Variants in SLC24A2 observed in about 807,000 individuals in gnomAD.
The protein encoded by SLC24A2 is sodium/potassium/calcium exchanger 2.
SLC24A2 carries 36 observed loss-of-function variants against 62.0 expected under a neutral mutation model. The ratio of observed to expected loss-of-function variants is 0.58; its 90% CI spans 0.44 to 0.77. The LOEUF (loss-of-function observed/expected upper bound fraction) is 0.77. SLC24A2 is among the 30% of genes least tolerant of loss of function. SLC24A2 has a pLI of 0.00. For synonymous variants in SLC24A2, 358 were observed against 294.0 expected, an observed-to-expected ratio of 1.22 and a Z score of -2.23; for missense variants, 846 against 817.9, an observed-to-expected ratio of 1.03 and a Z score of -0.42.
intron 7 of SLC24A2, among the ~76,000 whole-genome samples, chr9:19,565,981 C>T (rs1290524164): frequency 1.3e-5 from 2 of 151,860 alleles, no homozygotes; most frequent in African/African-American, 2.4e-5. Context: ...GGATTAAAGA[C>T]TTAAATGTTA....
the SLC24A2 span, among the ~76,000 whole-genome samples, chr9:20,026,749 C>G: frequency 6.6e-6 from 1 of 152,042 alleles, no homozygotes; most frequent in African/African-American, 2.4e-5. Flanking sequence ...GGAAAAGCTC[C>G]GTGACATTGG....
At chr9:19,734,234 C>T (rs569452063) in intron 2 of SLC24A2, among the ~76,000 whole-genome samples, 1 of 152,036 alleles carries the variant, frequency 6.6e-6, no homozygotes, top group African/African-American at 2.4e-5. Context: ...TGTTCTGTTC[C>T]ATTGGTCTAT....
the SLC24A2 span, among the ~76,000 whole-genome samples, chr9:19,800,170 T>C: frequency 6.6e-6 from 1 of 152,168 alleles, no homozygotes; most frequent in African/African-American, 2.4e-5. Context: ...TAGATCATGT[T>C]CTGAGGTTTC....
intron 5 of SLC24A2, among the ~76,000 whole-genome samples, chr9:19,590,038 G>C (rs1000327693): frequency 6.6e-6 from 1 of 152,150 alleles, no homozygotes; most frequent in African/African-American, 2.4e-5. Context: ...ATTTAGGAAG[G>C]CTGATGTGCT....
the SLC24A2 span, among the ~76,000 whole-genome samples, chr9:19,820,165 T>C: frequency 1.3e-5 from 2 of 149,304 alleles, no homozygotes; most frequent in African/African-American, 2.5e-5. Context: ...ACTATTATTC[T>C]AAGTGAAGTA....
chr9:19,850,984 T>TATATAC, the SLC24A2 span, among the ~76,000 whole-genome samples: 5 of 30,556 alleles, frequency 1.6e-4, no homozygotes, highest in Admixed American at 4.0e-4. Flanking sequence ...TATATATATA[T>TATATAC]GTATATATAT....
chr9:19,920,993 G>A, the SLC24A2 span, among the ~76,000 whole-genome samples: 2 of 151,028 alleles, frequency 1.3e-5, no homozygotes, highest in Non-Finnish European at 2.9e-5. Context: ...ACCCTCATAG[G>A]GTTGTTGTGA....
chr9:20,022,580 C>T, the SLC24A2 span, among the ~76,000 whole-genome samples: 5 of 152,200 alleles, frequency 3.3e-5, no homozygotes, highest in African/African-American at 1.2e-4. Context: ...CCCTCGTCCA[C>T]GTGCTTACTG....
Position 19,513,629 on chromosome 9 carries a change from G to A in SLC24A2, c.*2524C>T, listed in dbSNP as rs74841100. On this transcript the variant is annotated 3_prime_UTR_variant, in exon 11 of 11. Transcript: ENST00000341998. ...CACTGTAAGCTGGGAATAAATGGGA[G>A]GGAGTGAGGAGGCAGAGGGAGGATC... 213 of 152,302 alleles carry A rather than the reference G, an allele frequency of 1.4e-3. No individual in the cohort carries two copies. Among genetic ancestry groups the A allele is most frequent in the African/African-American group, 5.0e-3 (206 of 41,550 alleles). 9.4% of individuals were successfully genotyped at this position (152,302 alleles called of 1,614,324 possible). A position where few individuals can be genotyped will look rare whatever the true frequency, so the allele number is the denominator to read the frequency against.
chr9:19,783,830 ATC>A (rs1170580408), intron 2 of SLC24A2, among the ~76,000 whole-genome samples: 1 of 152,202 alleles, frequency 6.6e-6, no homozygotes, highest in East Asian at 1.9e-4. Flanking sequence ...TTAGAAAAAA[ATC>A]TCTACTTCCA....
chr9:19,667,284 G>A (rs992962104), intron 2 of SLC24A2, among the ~76,000 whole-genome samples: 1 of 152,098 alleles, frequency 6.6e-6, no homozygotes, highest in Non-Finnish European at 1.5e-5. Flanking sequence ...AAAAGTATTC[G>A]AAACTGAATG....
At chr9:20,072,050 G>A in the SLC24A2 span, among the ~76,000 whole-genome samples, 1 of 152,074 alleles carries the variant, frequency 6.6e-6, no homozygotes, top group Non-Finnish European at 1.5e-5. Flanking sequence ...CTCCTGGCAG[G>A]TGGATGAGTT....
At chr9:20,178,907 A>G in the SLC24A2 span, among the ~76,000 whole-genome samples, 6 of 152,100 alleles carry the variant, frequency 3.9e-5, no homozygotes, top group Non-Finnish European at 8.8e-5. Context: ...CAGAATAACT[A>G]CCCTTTACTG....
At chr9:19,905,902 A>G in the SLC24A2 span, among the ~76,000 whole-genome samples, 1 of 152,204 alleles carries the variant, frequency 6.6e-6, no homozygotes, top group Non-Finnish European at 1.5e-5. Flanking sequence ...CCCACTGTCA[A>G]CATTAGACAG....
At chr9:20,150,494 G>A in the SLC24A2 span, among the ~76,000 whole-genome samples, 1 of 151,382 alleles carries the variant, frequency 6.6e-6, no homozygotes, top group Non-Finnish European at 1.5e-5. Context: ...ATATTCTGCT[G>A]ATGGAAAAGT....
At chr9:19,719,540 C>T (rs1269732889) in intron 2 of SLC24A2, among the ~76,000 whole-genome samples, 1 of 151,794 alleles carries the variant, frequency 6.6e-6, no homozygotes, top group Admixed American at 6.5e-5. Context: ...AGAGTTTGCA[C>T]TTAAAACCTC....
the SLC24A2 span, among the ~76,000 whole-genome samples, chr9:19,962,506 T>C: frequency 6.6e-6 from 1 of 152,214 alleles, no homozygotes; most frequent in South Asian, 2.1e-4. Context: ...CATGGAATGT[T>C]CTTCCATTTG....
At chr9:20,279,323 G>T in the SLC24A2 span, among the ~76,000 whole-genome samples, 1 of 152,314 alleles carries the variant, frequency 6.6e-6, no homozygotes, top group Admixed American at 6.5e-5. Flanking sequence ...CTGAGGTCAG[G>T]AGTTCAAGAC....
chr9:19,543,065 C>T (rs780207651), intron 8 of SLC24A2, among the ~76,000 whole-genome samples: 2 of 151,936 alleles, frequency 1.3e-5, no homozygotes, highest in Non-Finnish European at 2.9e-5. Context: ...TCATCTGGTT[C>T]TGGACTTTGG....
Sources: gnomAD v4.1 joint callset for allele counts (sites outside exome capture counted in the v4.1 genomes callset) on GRCh38, gnomAD v4.1.1 for gene constraint, MANE v1.5 for transcripts, NCBI Gene and HGNC (gene_info 2026-07-23, HGNC 2026-07-21) for gene names.